Variants in CCDC88C observed in about 807,000 individuals in gnomAD.
CCDC88C encodes protein Daple.
Under a neutral mutation model 198.8 loss-of-function variants are expected in CCDC88C, and 131 were observed. The ratio of observed to expected loss-of-function variants is 0.66; its 90% CI spans 0.57 to 0.76. The LOEUF (loss-of-function observed/expected upper bound fraction) is 0.76, where lower values mean the gene tolerates loss of function less well. Ranked by LOEUF, CCDC88C falls within the 30% of genes least tolerant of loss-of-function variation. CCDC88C has a pLI of 0.00. For synonymous variants in CCDC88C, 1,166 were observed against 1,114.7 expected (o/e 1.05, Z -0.92); for missense variants, 2,553 against 2,631.6 (o/e 0.97, Z 0.65).
intron 12 of CCDC88C, among the ~76,000 whole-genome samples, chr14:91,324,205 C>T (rs1892481826): frequency 6.6e-6 from 1 of 152,246 alleles, no homozygotes; most frequent in African/African-American, 2.4e-5. Flanking sequence ...GACACCTCCT[C>T]TCGGGGCGCG....
rs780760829 is a variant in CCDC88C at position 91,303,998 on chromosome 14, C to T, written c.3358-20G>A. The T allele has an allele frequency of 1.9e-5, 31 of 1,590,524 alleles. No homozygotes were observed. The highest frequency in any genetic ancestry group is 1.7e-6 in the Non-Finnish European group (2 of 1,171,062). On this transcript the variant is annotated intron_variant, in intron 19 of 29. Transcript: ENST00000389857. The stretch of plus-strand genomic sequence containing the variant: ...CTCCACCTGCCGAGAGGGAGAAGCG[C>T]GGCGTGGCGCAGGCCCCACAGTCAG...
intron 23 of CCDC88C, 127 bp from the exon 24 acceptor site, chr14:91,291,211 G>A: frequency 3.1e-6 from 2 of 638,030 alleles, no homozygotes; most frequent in South Asian, 3.7e-5. Context: ...AGATGAGGGT[G>A]CTCACCACCG....
In CCDC88C at chr14:91,278,211, C is replaced by A; in HGVS notation, c.4769G>T (p.Gly1590Val). ...SSNSSPLNLK[G>V]SSEQLHGRSE... Reference sequence around the variant, plus strand: ...CCGGCCATGGAGCTGCTCGGAGGAGCCTGGGTGTCAGGGCAGGAGACAGAG... The same window carrying A: ...CCGGCCATGGAGCTGCTCGGAGGAGACTGGGTGTCAGGGCAGGAGACAGAG... Residue 1590 changes from glycine (G) to valine (V), a missense_variant and splice_region_variant, in exon 29 of 30, where the codon GGC (glycine) becomes GTC (valine). Transcript: ENST00000389857. 6.3e-7 allele frequency: 1 copy of A among 1,593,518 alleles called. No individual in the cohort carries two copies. Among genetic ancestry groups the A allele is most frequent in the South Asian group, 1.1e-5 (1 of 89,002 alleles).
intron 3 of CCDC88C, among the ~76,000 whole-genome samples, chr14:91,376,740 C>A (rs1284129030): frequency 2.0e-5 from 3 of 152,220 alleles, no homozygotes. Context: ...GGGGGCCACG[C>A]ACCCCCAGGT....
rs1893242642 is a variant in CCDC88C at position 91,339,920 on chromosome 14, C to G, written c.588G>C (p.Leu196=). The G allele has an allele frequency of 1.9e-6, 3 of 1,594,186 alleles. No homozygotes were observed. The highest frequency in any genetic ancestry group is 2.6e-6 in the Non-Finnish European group (3 of 1,171,574). The change falls in exon 7 of 30, where the codon CTG becomes CTC. Residue 196 remains leucine, a synonymous_variant. Transcript: ENST00000389857. The surrounding 1 kb of genome is among the most constrained non-coding windows in gnomAD (Gnocchi z 5.8). ...EALSRSMVLH[L]RRLIDQRDEC... ...CGTCCCGCTGGTCGATGAGCCTCCG[C>G]AGGTGGAGCACCATGCTCCTCGACA...
chr14:91,272,427 C>T lies in CCDC88C; in HGVS notation c.*198G>A, dbSNP rs903441469. The T allele has an allele frequency of 1.2e-5, 7 of 582,292 alleles. No homozygotes were observed. Among genetic ancestry groups the T allele is most frequent in the East Asian group, 3.1e-5 (1 of 32,460 alleles). The allele number at this position is 582,292 out of a possible 1,614,324, so 36.1% of individuals were successfully genotyped here. ...CTGGAAGCGGCAGACACAGAAAACA[C>T]GTTACACACCTGGAAGCGTAATCCT... On this transcript the variant is annotated 3_prime_UTR_variant, in exon 30 of 30. Transcript: ENST00000389857.
rs747536330 is a variant in CCDC88C at position 91,416,800 on chromosome 14, G to A, written c.99C>T (p.Asp33=). The A allele has an allele frequency of 6.8e-6, 11 of 1,613,612 alleles. No individual in the cohort carries two copies. The highest frequency in any genetic ancestry group is 1.7e-5 in the Admixed American group (1 of 59,976). ...TFGPFGSGSQ[D]NLTMYMDLVD... is the part of the protein sequence containing the mutation. ...CTAAATCCATGTACATAGTCAGGTT[G>A]TCCTGGCTGCCGCTTCCAAACGGGC... Residue 33 remains aspartate, a synonymous_variant, in exon 2 of 30, where the codon GAC becomes GAT. Transcript: ENST00000389857.
At chr14:91,365,900 T>G (rs1476412120) in intron 3 of CCDC88C, among the ~76,000 whole-genome samples, 3 of 151,542 alleles carry the variant, frequency 2.0e-5, no homozygotes, top group African/African-American at 7.3e-5. Context: ...CAGCAAAGAG[T>G]GCTCAAAGGT....
At chr14:91,387,658 G>T (rs559484840) in intron 3 of CCDC88C, among the ~76,000 whole-genome samples, 6 of 152,208 alleles carry the variant, frequency 3.9e-5, no homozygotes, top group Non-Finnish European at 7.3e-5. Context: ...AAGTGCACGG[G>T]CCAGCTGTCG....
At chr14:91,336,673 G>A (rs957773712) in intron 10 of CCDC88C, among the ~76,000 whole-genome samples, 2 of 152,224 alleles carry the variant, frequency 1.3e-5, no homozygotes, top group African/African-American at 4.8e-5. Flanking sequence ...CCAGGCATGG[G>A]CTGGCTTTGC....
chr14:91,293,555 C>A lies in CCDC88C; in HGVS notation c.4112+618G>T, dbSNP rs1484790466. Among the ~76,000 whole-genome samples, 144 of 144,432 alleles carry A rather than the reference C, an allele frequency of 1.0e-3. 23 individuals are homozygous for A. Among genetic ancestry groups the A allele is most frequent in the Non-Finnish European group, 1.4e-3 (92 of 63,612 alleles). The allele number at this position is 144,432 out of a possible 152,430, so 94.8% of individuals were successfully genotyped here. ...CTGCCACGGCCCACCTTCCTGTCCCCTCGCCTGCCACGGCCCACCTTCCTG... is the reference window on the plus strand; with the variant it reads ...CTGCCACGGCCCACCTTCCTGTCCCATCGCCTGCCACGGCCCACCTTCCTG... On this transcript the variant is annotated intron_variant, in intron 23 of 29. Coordinates refer to ENST00000389857, the MANE Select transcript of CCDC88C (RefSeq NM_001080414.4).
At chr14:91,353,940 G>A (rs192786557) in intron 4 of CCDC88C, among the ~76,000 whole-genome samples, 8 of 152,308 alleles carry the variant, frequency 5.3e-5, no homozygotes, top group African/African-American at 1.9e-4. Context: ...AAACATCAGG[G>A]CAGACCAGTG....
At chr14:91,307,660 T>G (rs1387689308) in intron 17 of CCDC88C, among the ~76,000 whole-genome samples, 1 of 152,206 alleles carries the variant, frequency 6.6e-6, no homozygotes, top group African/African-American at 2.4e-5. Context: ...TGTTCAAAAC[T>G]GAGGCTGGAA....
chr14:91,272,842 C>G lies in CCDC88C; in HGVS notation c.5870G>C (p.Arg1957Pro). Residue 1957 changes from arginine to proline, a missense_variant, in exon 30 of 30, where the codon CGG becomes CCG. By Grantham distance (103) the Arg-to-Pro change is moderately radical. This residue lies in a region of CCDC88C where 1,293 missense variants were observed against 1,219.6 expected (regional missense o/e 1.06). Transcript: ENST00000389857. Reference sequence around the variant, plus strand: ...TCCCTCTGAGAGGCTGAGCCCTGCCCGGACAGGGGTGATGGTGGCCACCTC... The same window carrying G: ...TCCCTCTGAGAGGCTGAGCCCTGCCGGGACAGGGGTGATGGTGGCCACCTC... ...SGEVATITPV[R>P]AGLSLSEGDG... 4.4e-6 allele frequency: 7 copies of G among 1,592,656 alleles called. No homozygotes were observed. The highest frequency in any genetic ancestry group is 5.1e-6 in the Non-Finnish European group (6 of 1,170,456).
intron 4 of CCDC88C, among the ~76,000 whole-genome samples, chr14:91,354,350 G>C (rs1475084618): frequency 6.6e-6 from 1 of 152,356 alleles, no homozygotes; most frequent in South Asian, 2.1e-4. Context: ...AAGATGCTGA[G>C]AAGCCAGAGC....
intron 14 of CCDC88C, 100 bp from the exon 15 acceptor site, chr14:91,314,250 C>T: frequency 2.1e-6 from 2 of 930,660 alleles, no homozygotes; most frequent in East Asian, 2.6e-5. Context: ...CCTTGAACGG[C>T]TGTCCTACCT....
chr14:91,345,646 C>T (rs927029017), intron 4 of CCDC88C, among the ~76,000 whole-genome samples: 3 of 152,074 alleles, frequency 2.0e-5, no homozygotes, highest in Non-Finnish European at 2.9e-5. Context: ...ATTTTCCTAC[C>T]CTTGATCAAC....
In CCDC88C at chr14:91,384,313, C is replaced by T. The variant is rs1054905360; in HGVS notation, c.270+24346G>A. 10 of 287,116 alleles carry T rather than the reference C, an allele frequency of 3.5e-5. 1 individual carries two copies. Among genetic ancestry groups the T allele is most frequent in the South Asian group, 2.1e-4 (7 of 33,152 alleles). 17.8% of individuals were successfully genotyped at this position (287,116 alleles called of 1,614,324 possible). Reference sequence around the variant, plus strand: ...TTGTATTTGAAATTTTTATTTTAGGCTGCAAAAACAAAAACAAGCAAACAA... The same window carrying T: ...TTGTATTTGAAATTTTTATTTTAGGTTGCAAAAACAAAAACAAGCAAACAA... On this transcript the variant is annotated intron_variant, in intron 3 of 29. Coordinates refer to ENST00000389857, the MANE Select transcript of CCDC88C (RefSeq NM_001080414.4).
chr14:91,301,545 A>G (rs1891283599), intron 20 of CCDC88C, among the ~76,000 whole-genome samples: 1 of 152,166 alleles, frequency 6.6e-6, no homozygotes, highest in Non-Finnish European at 1.5e-5. Flanking sequence ...GTGAAACCCC[A>G]TCTCTACTAA....
Sources: gnomAD v4.1 joint callset for allele counts (sites outside exome capture counted in the v4.1 genomes callset) on GRCh38, gnomAD v4.1.1 for gene constraint, gnomAD v4.1.1 regional missense constraint, Gnocchi (gnomAD v3.1) non-coding constraint, MANE v1.5 for transcripts, NCBI Gene and HGNC (gene_info 2026-07-23, HGNC 2026-07-21) for gene names.